Variants in PCDHGB2 observed in about 807,000 individuals in gnomAD.
PCDHGB2 encodes protocadherin gamma-B2.
PCDHGB2 carries 55 observed loss-of-function variants against 59.3 expected under a neutral mutation model. The ratio of observed to expected loss-of-function variants is 0.93; its 90% confidence interval spans 0.75 to 1.16. The LOEUF is 1.16. PCDHGB2 is among the 50% of genes most tolerant of loss of function. The probability of loss-of-function intolerance (pLI) is 0.00; values close to 1 mark genes in which losing one functional copy is unlikely to be tolerated. For synonymous variants in PCDHGB2, 516 were observed against 512.0 expected (o/e 1.01, Z -0.11); for missense variants, 1,228 against 1,198.5 (o/e 1.02, Z -0.36).
chr5:141,408,439 G>A (rs1057408625), intron 1 of PCDHGB2: 4 of 1,613,950 alleles, frequency 2.5e-6, no homozygotes, highest in Non-Finnish European at 3.4e-6. Flanking sequence ...GCGTAGACGC[G>A]GAGAGCGGGG....
At chr5:141,507,807 A>AACGG (rs1465406594) in intron 3 of PCDHGB2, among the ~76,000 whole-genome samples, 2 of 152,152 alleles carry the variant, frequency 1.3e-5, no homozygotes, top group East Asian at 3.9e-4. Flanking sequence ...CGCCCTGGGG[A>AACGG]ACGGACCCTG....
chr5:141,494,468 C>G (rs2099754577), intron 1 of PCDHGB2, among the ~76,000 whole-genome samples: 1 of 152,136 alleles, frequency 6.6e-6, no homozygotes, highest in East Asian at 1.9e-4. Context: ...TGCACCTCTT[C>G]CCCCAGTTCC....
At chr5:141,442,701 A>AG (rs1388473196) in intron 1 of PCDHGB2, among the ~76,000 whole-genome samples, 5 of 152,258 alleles carry the variant, frequency 3.3e-5, no homozygotes, top group Non-Finnish European at 7.3e-5. Flanking sequence ...AGACAAGAGT[A>AG]TCAGACATGC....
intron 1 of PCDHGB2, chr5:141,385,892 G>A (rs544548013): frequency 1.3e-5 from 2 of 152,934 alleles, no homozygotes; most frequent in South Asian, 2.1e-4. Context: ...AGAATGAAAT[G>A]TGTGTGTATC....
At position 141,432,995 on chromosome 5, in the gene PCDHGB2, G is replaced by A. The variant is rs576866505; in HGVS notation, c.2422-61812G>A. On this transcript the variant is annotated intron_variant, in intron 1 of 3. Transcript: ENST00000522605. This position sits in a 1 kb window ranked among gnomAD's most constrained non-coding sequence, Gnocchi z 6.0. ...GTCGCACTTTGTGGGCGTGGACGGGGTGCAGGCTTTCCTGCAGACCTATTC... is the reference window on the plus strand; with the variant it reads ...GTCGCACTTTGTGGGCGTGGACGGGATGCAGGCTTTCCTGCAGACCTATTC... The A allele has an allele frequency of 1.2e-6, 2 of 1,614,226 alleles. No individual in the cohort carries two copies. The highest frequency in any genetic ancestry group is 3.3e-5 in the Admixed American group (2 of 60,028).
chr5:141,402,855 T>G, intron 1 of PCDHGB2: 1 of 1,425,070 alleles, frequency 7.0e-7, no homozygotes, highest in Non-Finnish European at 9.2e-7. Flanking sequence ...CTCTTTCTTC[T>G]AAGGAAAAGA....
rs766835008 is a variant in PCDHGB2, at chr5:141,370,979, A to G, written c.2421+8423A>G. The G allele has an allele frequency of 3.7e-6, 6 of 1,613,990 alleles. 1 individual carries two copies. In the Admixed American group the frequency reaches 6.7e-5, roughly 18 times the overall value. On this transcript the variant is annotated intron_variant, in intron 1 of 3. Coordinates refer to ENST00000522605, the MANE Select transcript of PCDHGB2 (RefSeq NM_018923.3). ...ATGGCAGTAGGTACCCAGAGCTAGT[A>G]CTGAAAGCACCCCTGGACAGGGAAG...
chr5:141,423,610 G>GT, intron 1 of PCDHGB2: 1 of 1,611,424 alleles, frequency 6.2e-7, no homozygotes, highest in African/African-American at 1.3e-5. Context: ...ACTCTTGATA[G>GT]CTGAAGACTC....
intron 1 of PCDHGB2, chr5:141,375,727 G>T (rs1771811677): frequency 6.2e-7 from 1 of 1,614,262 alleles, no homozygotes; most frequent in East Asian, 2.2e-5. Flanking sequence ...ACGTGTCACT[G>T]AGCCTGTTTG....
intron 1 of PCDHGB2, chr5:141,416,636 C>A (rs2096047139): frequency 6.6e-6 from 1 of 152,066 alleles, no homozygotes; most frequent in South Asian, 2.1e-4. Context: ...AATATAAACA[C>A]CAACCACAGC....
intron 1 of PCDHGB2, among the ~76,000 whole-genome samples, chr5:141,480,615 AT>A (rs1279544819): frequency 2.0e-5 from 3 of 152,218 alleles, no homozygotes; most frequent in African/African-American, 7.2e-5. Context: ...AGCAACTGGC[AT>A]TTTCCCTAGA....
rs751462834 is a variant in PCDHGB2, at chr5:141,360,533, T to C, written c.398T>C (p.Phe133Ser). The C allele has an allele frequency of 6.2e-6, 10 of 1,613,980 alleles. No homozygotes were observed. In the African/African-American group the frequency reaches 1.3e-4, roughly 22 times the overall value. ...VQDINDNTPL[F>S]KQTKINLKIG... is the part of the protein sequence containing the mutation. The stretch of plus-strand genomic sequence containing the variant: ...GATATAAATGATAATACCCCGCTAT[T>C]CAAACAGACTAAGATTAATTTAAAA... Residue 133 changes from phenylalanine to serine, a missense_variant, in exon 1 of 4, where the codon TTC becomes TCC. This residue lies in a region of PCDHGB2 where 781 missense variants were observed against 721.6 expected (regional missense o/e 1.08). Coordinates refer to ENST00000522605, the MANE Select transcript of PCDHGB2 (RefSeq NM_018923.3).
chr5:141,435,372 T>C (rs2097759153), intron 1 of PCDHGB2, among the ~76,000 whole-genome samples: 1 of 152,216 alleles, frequency 6.6e-6, no homozygotes, highest in African/African-American at 2.4e-5. Context: ...CACTTAAATA[T>C]ACAATATACC....
At chr5:141,445,282 T>G (rs1023693067) in intron 1 of PCDHGB2, among the ~76,000 whole-genome samples, 4 of 152,220 alleles carry the variant, frequency 2.6e-5, no homozygotes, top group Non-Finnish European at 5.9e-5. Context: ...TCTGCATAAG[T>G]TCAGGCTTCC....
intron 1 of PCDHGB2, chr5:141,393,707 T>G (rs1296711922): frequency 6.2e-7 from 1 of 1,613,882 alleles, no homozygotes; most frequent in East Asian, 2.2e-5. Flanking sequence ...ATGAAAATAC[T>G]GGGGAAATAT....
chr5:141,393,656 C>T (rs762750239), intron 1 of PCDHGB2: 2 of 1,613,868 alleles, frequency 1.2e-6, no homozygotes, highest in East Asian at 4.5e-5. Context: ...CATACAAATT[C>T]CGGAAAATTA....
intron 1 of PCDHGB2, among the ~76,000 whole-genome samples, chr5:141,381,247 GA>G (rs1777085183): frequency 6.6e-6 from 1 of 152,240 alleles, no homozygotes; most frequent in Non-Finnish European, 1.5e-5. Flanking sequence ...CCAGGACCTA[GA>G]AGAATTTACA....
At chr5:141,497,820 G>A (rs1595489288) in intron 2 of PCDHGB2, among the ~76,000 whole-genome samples, 1 of 152,226 alleles carries the variant, frequency 6.6e-6, no homozygotes, top group Admixed American at 6.5e-5. Flanking sequence ...AATTACAGGT[G>A]TGATCGCCCC....
rs144113016 is a variant in PCDHGB2 at position 141,428,135 on chromosome 5, G to T, written c.2421+65579G>T. On this transcript the variant is annotated intron_variant, in intron 1 of 3. Coordinates refer to ENST00000522605, the MANE Select transcript of PCDHGB2 (RefSeq NM_018923.3). Reference sequence around the variant, plus strand: ...CCATCGAGCCCGGGCTTTTCAGCCTGGGGCTGCACACGGGAACCTGCTGGT... The same window carrying T: ...CCATCGAGCCCGGGCTTTTCAGCCTTGGGCTGCACACGGGAACCTGCTGGT... 347 of 1,601,046 alleles carry T rather than the reference G, an allele frequency of 2.2e-4. No homozygotes were observed. The African/African-American group carries it at 3.9e-3, about 18-fold the overall frequency.
Sources: allele counts gnomAD v4.1 joint callset (sites outside exome capture counted in the v4.1 genomes callset), GRCh38; gene constraint gnomAD v4.1.1; regional missense constraint gnomAD v4.1.1; non-coding constraint Gnocchi (gnomAD v3.1); transcripts MANE v1.5; gene names NCBI Gene and HGNC (gene_info 2026-07-23, HGNC 2026-07-21).